IL12RB1: variants seen among roughly 807,000 people sequenced by gnomAD.
IL12RB1 encodes interleukin 12 receptor subunit beta 1.
A neutral mutation model predicts 94.4 loss-of-function variants in IL12RB1; 64 were observed. The ratio of observed to expected loss-of-function variants is 0.68; its 90% confidence interval spans 0.55 to 0.83. IL12RB1 has a LOEUF of 0.83. Among genes scored for constraint, IL12RB1 ranks in the 40% least tolerant of loss-of-function variants. The pLI, the probability that IL12RB1 is intolerant of heterozygous loss-of-function variation, is 0.00. For synonymous variants in IL12RB1, 362 were observed against 355.5 expected (o/e 1.02, Z -0.21); for missense variants, 814 against 855.6 (o/e 0.95, Z 0.61).
At chr19:18,098,571 T>G (rs1016888445) in intron 1 of IL12RB1, among the ~76,000 whole-genome samples, 1 of 151,988 alleles carries the variant, frequency 6.6e-6, no homozygotes, top group African/African-American at 2.4e-5. Flanking sequence ...AAGCCTAAGT[T>G]TGAAGCCACA....
intron 7 of IL12RB1, 38 bp downstream of exon 7, chr19:18,075,711 A>C: frequency 6.3e-7 from 1 of 1,589,346 alleles, no homozygotes; most frequent in Non-Finnish European, 8.6e-7. Context: ...CCTTATTTCT[A>C]ATGCTTGCCC....
At chr19:18,093,445 C>T (rs941050070) in intron 1 of IL12RB1, among the ~76,000 whole-genome samples, 12 of 151,918 alleles carry the variant, frequency 7.9e-5, no homozygotes, top group Admixed American at 5.2e-4. Context: ...AATAAGCACT[C>T]CTTCTTGCCC....
chr19:18,073,599 T>C lies in IL12RB1; in HGVS notation c.701A>G (p.Glu234Gly). 1.2e-6 allele frequency: 2 copies of C among 1,605,338 alleles called. No homozygotes were observed. The highest frequency in any genetic ancestry group is 4.5e-5 in the East Asian group (2 of 44,818). ...KWSSPVCVPP[E>G]NPPQPQVRFS... ...TCTCACCTGAGGCTGTGGGGGGTTT[T>C]CTGCAATCAGAACCAAACCAACTAG... is the stretch of plus-strand genomic sequence containing the variant. The change falls in exon 8 of 17, where the codon GAA becomes GGA. Residue 234 changes from glutamate (E) to glycine (G), a missense_variant and splice_region_variant. Physicochemically the swap from Glu to Gly is moderately conservative, Grantham distance 98. Coordinates refer to ENST00000593993, the MANE Select transcript of IL12RB1 (RefSeq NM_005535.3).
chr19:18,083,570 C>T, intron 1 of IL12RB1, 79 bp from the exon 2 acceptor site: 6 of 1,428,128 alleles, frequency 4.2e-6, no homozygotes, highest in Non-Finnish European at 4.9e-6. Flanking sequence ...GGGGTCTACA[C>T]CCAAGTGATC....
At chr19:18,098,728 G>A (rs1285359638) in intron 1 of IL12RB1, 5 of 456,616 alleles carry the variant, frequency 1.1e-5, no homozygotes, top group African/African-American at 2.0e-5. Flanking sequence ...AAGTTTTCAG[G>A]TAGGGAACCT....
At chr19:18,067,717 G>A (rs1340360016) in intron 11 of IL12RB1, among the ~76,000 whole-genome samples, 1 of 152,012 alleles carries the variant, frequency 6.6e-6, no homozygotes, top group Non-Finnish European at 1.5e-5. Flanking sequence ...GAAGGAGAAT[G>A]GCTTGAACCC....
Position 18,059,924 on chromosome 19 carries a change from G to C in IL12RB1, c.1953C>G (p.Ser651=). The change falls in exon 16 of 17, where the codon TCC becomes TCG. Residue 651 remains serine (S), a synonymous_variant. Coordinates refer to ENST00000593993, the MANE Select transcript of IL12RB1 (RefSeq NM_005535.3). ...CCTTGCACCTGTCTCCATCCTCCAA[G>C]GACAACTCTGTATCCAGGGCCAGCT... ...APELALDTEL[S]LEDGDRCKAK... 1 of 1,589,888 alleles carries C rather than the reference G, an allele frequency of 6.3e-7. No individual in the cohort carries two copies. Among genetic ancestry groups the C allele is most frequent in the Non-Finnish European group, 8.6e-7 (1 of 1,168,026 alleles).
chr19:18,062,249 G>A lies in IL12RB1; in HGVS notation c.1647C>T (p.Phe549=), dbSNP rs772440289. 3 of 1,612,860 alleles carry A rather than the reference G, an allele frequency of 1.9e-6. No homozygotes were observed. The African/African-American group carries it at 4.0e-5, about 22-fold the overall frequency. ...TCAGGAAGCTCCCCAGGGAGGCGAA[G>A]AAGATGAGCCAATCAGAAACCTGCA... is the stretch of plus-strand genomic sequence containing the variant. ...IEVQVSDWLI[F]FASLGSFLSI... The change falls in exon 14 of 17, where the codon TTC becomes TTT. Residue 549 remains phenylalanine, a synonymous_variant. Coordinates refer to ENST00000593993, the MANE Select transcript of IL12RB1 (RefSeq NM_005535.3).
At chr19:18,067,782 A>C (rs1427400846) in intron 11 of IL12RB1, among the ~76,000 whole-genome samples, 1 of 152,108 alleles carries the variant, frequency 6.6e-6, no homozygotes, top group Admixed American at 6.6e-5. Flanking sequence ...CTGCAGCCTC[A>C]AACTCCTGGG....
In IL12RB1 at chr19:18,059,869, C is replaced by G. The variant is rs376525105; in HGVS notation, c.1983+25G>C. On this transcript the variant is annotated intron_variant, in intron 16 of 16. Transcript: ENST00000593993. Reference sequence around the variant, plus strand: ...CCCCGGGCAGGGTTGCACCCCTGACCGTCTGGCCCACTGGGCCCCAGGACC... The same window carrying G: ...CCCCGGGCAGGGTTGCACCCCTGACGGTCTGGCCCACTGGGCCCCAGGACC... The G allele has an allele frequency of 9.1e-6, 13 of 1,426,614 alleles. No homozygotes were observed. The African/African-American group carries it at 1.5e-4, about 17-fold the overall frequency. The allele number at this position is 1,426,614 out of a possible 1,614,324, so 88.4% of individuals were successfully genotyped here. A position where few individuals can be genotyped will look rare whatever the true frequency, so the allele number is the denominator to read the frequency against.
chr19:18,066,684 C>A lies in IL12RB1; in HGVS notation c.1341G>T (p.Gly447=), dbSNP rs766810300. ...TCTTCACCGAGACGTGGTGCGGTGT[C>A]CCAGCTGCTGAGGCTGCAACCAGTA... The part of the protein sequence containing the change: ...YHFGGNASAA[G]TPHHVSVKNH... Residue 447 remains glycine (G), a synonymous_variant, in exon 12 of 17, where the codon GGG becomes GGT. Coordinates refer to ENST00000593993, the MANE Select transcript of IL12RB1 (RefSeq NM_005535.3). 40 of 1,608,898 alleles carry A rather than the reference C, an allele frequency of 2.5e-5. No individual in the cohort carries two copies. In the South Asian group the frequency reaches 4.0e-4, roughly 16 times the overall value.
chr19:18,073,476 C>T (rs1200913449), intron 8 of IL12RB1, 41 bp downstream of exon 8: 1 of 1,265,112 alleles, frequency 7.9e-7, no homozygotes, highest in South Asian at 1.2e-5. Flanking sequence ...CTCCTGCTCC[C>T]CATCCCAGGC....
Position 18,072,242 on chromosome 19 carries a change from G to A in IL12RB1, c.891C>T (p.Ala297=), listed in dbSNP as rs548747269. Residue 297 remains alanine, a synonymous_variant, in exon 9 of 17, where the codon GCC becomes GCT. Coordinates refer to ENST00000593993, the MANE Select transcript of IL12RB1 (RefSeq NM_005535.3). ...TCTTCCCCAGGTGCAGGGTCCTGGT[G>A]GCCTTGGCCTTACACGGGCAGGACA... ...HMLSCPCKAK[A]TRTLHLGKMP... is the part of the protein sequence containing the mutation. 10 of 1,613,990 alleles carry A rather than the reference G, an allele frequency of 6.2e-6. No individual in the cohort carries two copies. In the Admixed American group the frequency reaches 1.7e-4, roughly 27 times the overall value.
intron 1 of IL12RB1, among the ~76,000 whole-genome samples, chr19:18,093,361 C>T (rs58902799): frequency 1.3e-3 from 197 of 146,956 alleles, no homozygotes; most frequent in African/African-American, 4.6e-3. Flanking sequence ...TGTGTGTGTG[C>T]GTGTGTGTGT....
intron 10 of IL12RB1, 35 bp downstream of exon 10, chr19:18,069,511 A>G: frequency 1.3e-6 from 2 of 1,567,660 alleles, no homozygotes; most frequent in Non-Finnish European, 1.7e-6. Context: ...GAGGGCACAG[A>G]GGAGGGGTAG....
chr19:18,059,853 G>T, intron 16 of IL12RB1, 41 bp downstream of exon 16: 2 of 1,051,882 alleles, frequency 1.9e-6, no homozygotes, highest in South Asian at 1.4e-5. Flanking sequence ...CCCCCGGGCA[G>T]GGTTGCACCC....
chr19:18,067,326 G>GA (rs57327846), intron 11 of IL12RB1, among the ~76,000 whole-genome samples: 4,705 of 82,464 alleles, frequency 0.057, 277 homozygotes, highest in Admixed American at 0.092. Context: ...TCTGTCTCAA[G>GA]AAAAAAAAAA....
chr19:18,097,675 C>CGGGA, intron 1 of IL12RB1: 2 of 579,380 alleles, frequency 3.5e-6, no homozygotes. Context: ...TCGGGCTCCC[C>CGGGA]GGGAGGGGCG....
intron 1 of IL12RB1, among the ~76,000 whole-genome samples, chr19:18,095,443 GT>G (rs1406796942): frequency 1.3e-5 from 2 of 152,180 alleles, no homozygotes; most frequent in Admixed American, 6.6e-5. Flanking sequence ...CACATGTTAT[GT>G]TTTCATTTTT....
Sources: gnomAD v4.1 joint callset for allele counts (sites outside exome capture counted in the v4.1 genomes callset) on GRCh38, gnomAD v4.1.1 for gene constraint, MANE v1.5 for transcripts, NCBI Gene and HGNC (gene_info 2026-07-23, HGNC 2026-07-21) for gene names.